Variants in ENTREP2 observed in about 807,000 individuals in gnomAD.
ENTREP2 encodes protein ENTREP2.
At chr15:29,552,053 G>C in the ENTREP2 span, among the ~76,000 whole-genome samples, 1 of 152,108 alleles carries the variant, frequency 6.6e-6, no homozygotes, top group Non-Finnish European at 1.5e-5. Context: ...AATGTCAAAG[G>C]AACAGTCTCC....
At chr15:29,512,452 G>T in the ENTREP2 span, among the ~76,000 whole-genome samples, 2 of 152,184 alleles carry the variant, frequency 1.3e-5, no homozygotes, top group Non-Finnish European at 2.9e-5. Flanking sequence ...CACTCCTGCT[G>T]CTATGGACTG....
chr15:29,548,518 A>G, the ENTREP2 span, among the ~76,000 whole-genome samples: 1 of 152,000 alleles, frequency 6.6e-6, no homozygotes, highest in Non-Finnish European at 1.5e-5. Flanking sequence ...AATTTTTAAA[A>G]ATTGAATTAA....
chr15:29,463,971 T>C, the ENTREP2 span, among the ~76,000 whole-genome samples: 119 of 152,286 alleles, frequency 7.8e-4, 1 homozygote, highest in Non-Finnish European at 9.4e-4. Context: ...CGACACATAC[T>C]GCAAGATGCC....
the ENTREP2 span, among the ~76,000 whole-genome samples, chr15:29,490,110 G>A: frequency 6.6e-6 from 1 of 152,306 alleles, no homozygotes; most frequent in Non-Finnish European, 1.5e-5. Flanking sequence ...GAATTGGTGG[G>A]TTCTCGGTCT....
the ENTREP2 span, among the ~76,000 whole-genome samples, chr15:29,637,975 G>GA: frequency 4.3e-4 from 66 of 152,306 alleles, no homozygotes; most frequent in African/African-American, 1.4e-3. Flanking sequence ...CAGTGAAGAA[G>GA]ACCAAATGGA....
the ENTREP2 span, among the ~76,000 whole-genome samples, chr15:29,652,450 G>A: frequency 6.6e-6 from 1 of 152,256 alleles, no homozygotes; most frequent in African/African-American, 2.4e-5. Flanking sequence ...CAAATGGCAA[G>A]TCTAGAAGTG....
chr15:29,441,073 T>A, the ENTREP2 span, among the ~76,000 whole-genome samples: 3 of 152,154 alleles, frequency 2.0e-5, no homozygotes, highest in East Asian at 3.9e-4. Context: ...CAAGTGTCCA[T>A]CCACAAATGC....
chr15:29,490,886 T>TG, the ENTREP2 span, among the ~76,000 whole-genome samples: 5 of 152,162 alleles, frequency 3.3e-5, no homozygotes, highest in African/African-American at 9.7e-5. Flanking sequence ...CCTCAGCCCT[T>TG]GGGGGTCTAT....
the ENTREP2 span, among the ~76,000 whole-genome samples, chr15:29,258,008 G>A: frequency 3.3e-5 from 5 of 151,974 alleles, no homozygotes; most frequent in African/African-American, 7.2e-5. Flanking sequence ...TCAGGAGATC[G>A]AGACCATCCT....
the ENTREP2 span, among the ~76,000 whole-genome samples, chr15:29,400,598 C>T: frequency 6.6e-6 from 1 of 152,056 alleles, no homozygotes; most frequent in Non-Finnish European, 1.5e-5. Flanking sequence ...AAAATAAATT[C>T]CAGAGAAATC....
the ENTREP2 span, among the ~76,000 whole-genome samples, chr15:29,172,999 C>G: frequency 6.6e-6 from 1 of 152,198 alleles, no homozygotes; most frequent in South Asian, 2.1e-4. Context: ...GGCTGGCACC[C>G]TCTGCAGCCT....
the ENTREP2 span, among the ~76,000 whole-genome samples, chr15:29,478,088 G>C: frequency 7.5e-6 from 1 of 133,574 alleles, no homozygotes; most frequent in Non-Finnish European, 1.5e-5. Flanking sequence ...GCAGTGGCGT[G>C]ATCTCAGCTC....
chr15:29,535,567 A>G, the ENTREP2 span, among the ~76,000 whole-genome samples: 1 of 152,100 alleles, frequency 6.6e-6, no homozygotes, highest in East Asian at 1.9e-4. Context: ...ATAAGCACCT[A>G]TAGTCCCAGC....
chr15:29,125,335 C>T, the ENTREP2 span, among the ~76,000 whole-genome samples: 1 of 152,198 alleles, frequency 6.6e-6, no homozygotes, highest in Non-Finnish European at 1.5e-5. Flanking sequence ...GACTCTCTCC[C>T]TGTGAGCTGG....
At chr15:29,379,771 G>A in the ENTREP2 span, among the ~76,000 whole-genome samples, 2 of 152,158 alleles carry the variant, frequency 1.3e-5, no homozygotes, top group African/African-American at 2.4e-5. Context: ...TGATGCTGAG[G>A]CCAGGGCTGG....
chr15:29,155,069 T>G, the ENTREP2 span, among the ~76,000 whole-genome samples: 1 of 150,928 alleles, frequency 6.6e-6, no homozygotes, highest in African/African-American at 2.4e-5. Context: ...GATCACAAGG[T>G]CAGGAGATCG....
chr15:29,146,948 A>C, the ENTREP2 span, among the ~76,000 whole-genome samples: 3 of 152,246 alleles, frequency 2.0e-5, no homozygotes, highest in Admixed American at 6.5e-5. Context: ...GAAAAAAAAA[A>C]ACCAAAAAAC....
chr15:29,296,545 CAAAGT>C, the ENTREP2 span, among the ~76,000 whole-genome samples: 1 of 152,090 alleles, frequency 6.6e-6, no homozygotes, highest in Non-Finnish European at 1.5e-5. Context: ...GAACCTAAAG[CAAAGT>C]AAAAACTCTG....
At chr15:29,200,675 C>G in the ENTREP2 span, among the ~76,000 whole-genome samples, 1 of 152,004 alleles carries the variant, frequency 6.6e-6, no homozygotes, top group African/African-American at 2.4e-5. Context: ...TCTCCTGCCT[C>G]AGCCTCCTGA....
Sources: allele counts gnomAD v4.1 joint callset (sites outside exome capture counted in the v4.1 genomes callset), GRCh38; gene constraint gnomAD v4.1.1; transcripts MANE v1.5; gene names NCBI Gene and HGNC (gene_info 2026-07-23, HGNC 2026-07-21).